The following ANKRD40CL variants were observed in gnomAD, a reference collection of about 807,000 sequenced individuals.
ANKRD40CL encodes the protein ANKRD40 C-terminal like, also known as putative ANKRD40 C-terminal-like protein.
For synonymous variants in ANKRD40CL, 5 were observed against 2.3 expected (o/e 2.14, Z -1.04); for missense variants, 11 against 6.4 (o/e 1.71, Z -0.77).
rs1971201777 is a variant in ANKRD40CL, at chr17:50,761,548, A to G, written c.202-42T>C. On this transcript the variant is annotated intron_variant, in intron 3 of 3. Coordinates refer to ENST00000450727, the MANE Select transcript of ANKRD40CL (RefSeq NM_001358683.3). Reference sequence around the variant, plus strand: ...AATTATATTATGCTTAATAAATTTGAATGTAATAGAAAACCTTAATATTAA... The same window carrying G: ...AATTATATTATGCTTAATAAATTTGGATGTAATAGAAAACCTTAATATTAA... The G allele has an allele frequency of 1.5e-5, 6 of 397,276 alleles. 1 individual carries two copies. In the South Asian group the frequency reaches 7.7e-4, roughly 51 times the overall value. The allele number at this position is 397,276 out of a possible 1,614,324, so 24.6% of individuals were successfully genotyped here.
chr17:50,761,249 T>A lies in ANKRD40CL; in HGVS notation c.*114A>T. ...TTAGTAGAGACTGGGTTTCACTATA[T>A]GTTGGCCAGGCTGGTCTAGAACTCC... On this transcript the variant is annotated 3_prime_UTR_variant, in exon 4 of 4. Coordinates refer to ENST00000450727, the MANE Select transcript of ANKRD40CL (RefSeq NM_001358683.3). 1 of 388,366 alleles carries A rather than the reference T, an allele frequency of 2.6e-6. No individual in the cohort carries two copies. The highest frequency in any genetic ancestry group is 3.7e-5 in the East Asian group (1 of 27,370). The allele number at this position is 388,366 out of a possible 1,614,324, so 24.1% of individuals were successfully genotyped here.
rs147701562 is a variant in ANKRD40CL, at chr17:50,767,017, A to C, written c.-98-6T>G. 78 of 699,722 alleles carry C rather than the reference A, an allele frequency of 1.1e-4. No homozygotes were observed. The East Asian group carries it at 2.1e-3, about 19-fold the overall frequency. The allele number at this position is 699,722 out of a possible 1,614,324, so 43.3% of individuals were successfully genotyped here. A position where few individuals can be genotyped will look rare whatever the true frequency, so the allele number is the denominator to read the frequency against. Reference sequence around the variant, plus strand: ...TACAGCCTCAGCACATCTGTCTGCAAGGTAACAACAGTGTGTTCTTGCCAG... The same window carrying C: ...TACAGCCTCAGCACATCTGTCTGCACGGTAACAACAGTGTGTTCTTGCCAG... On this transcript the variant is annotated splice_polypyrimidine_tract_variant and splice_region_variant and intron_variant, in intron 1 of 3. Transcript: ENST00000450727.
At chr17:50,765,704 C>A (rs983922649) in intron 2 of ANKRD40CL, among the ~76,000 whole-genome samples, 2 of 152,192 alleles carry the variant, frequency 1.3e-5, no homozygotes, top group Non-Finnish European at 2.9e-5. Flanking sequence ...TTGAACGCAC[C>A]AACTAGCTGG....
At chr17:50,764,013 A>C in intron 2 of ANKRD40CL, 1 of 396,056 alleles carries the variant, frequency 2.5e-6, no homozygotes, top group Non-Finnish European at 4.4e-6. Context: ...CCACTCCTCC[A>C]GAAATAGGAT....
intron 2 of ANKRD40CL, 37 bp downstream of exon 2, chr17:50,766,837 T>C (rs1301673409): frequency 3.2e-6 from 2 of 633,834 alleles, no homozygotes; most frequent in Non-Finnish European, 5.7e-6. Context: ...CCCATCCTCC[T>C]TGAGGACCAT....
Position 50,763,510 on chromosome 17 carries a change from T to C in ANKRD40CL, c.88A>G (p.Lys30Glu), listed in dbSNP as rs995540003. 4 of 398,972 alleles carry C rather than the reference T, an allele frequency of 1.0e-5. No homozygotes were observed. The highest frequency in any genetic ancestry group is 1.3e-5 in the Non-Finnish European group (3 of 226,076). The allele number at this position is 398,972 out of a possible 1,614,324, so 24.7% of individuals were successfully genotyped here. A position where few individuals can be genotyped will look rare whatever the true frequency, so the allele number is the denominator to read the frequency against. The change falls in exon 3 of 4, where the codon AAG becomes GAG. Residue 30 changes from lysine to glutamate, a missense_variant. Coordinates refer to ENST00000450727, the MANE Select transcript of ANKRD40CL (RefSeq NM_001358683.3). ...KENDFIEIELKRQELSYQNLL... is the reference protein window; with the variant it reads ...KENDFIEIELERQELSYQNLL... The stretch of plus-strand genomic sequence containing the variant: ...TTTTGGTAACTCAGTTCTTGTCTCT[T>C]CAGTTCAATTTCAATGAAGTCATTT...
At position 50,761,407 on chromosome 17, in the gene ANKRD40CL, C is replaced by T; in HGVS notation, c.301G>A (p.Glu101Lys). The T allele has an allele frequency of 2.5e-6, 1 of 398,944 alleles. No individual in the cohort carries two copies. Among genetic ancestry groups the T allele is most frequent in the Non-Finnish European group, 4.4e-6 (1 of 226,028 alleles). The allele number at this position is 398,944 out of a possible 1,614,324, so 24.7% of individuals were successfully genotyped here. A position where few individuals can be genotyped will look rare whatever the true frequency, so the allele number is the denominator to read the frequency against. ...GCTTTGCTATCATAGCAGGGCCTTT[C>T]TGTCAGAGATGGCACATATTCTGTC... ...RLTEYVPSLT[E>K]RPCYDSKAAK... Residue 101 changes from glutamate (E) to lysine (K), a missense_variant, in exon 4 of 4, where the codon GAA (glutamate) becomes AAA (lysine). Physicochemically the swap from Glu to Lys is moderately conservative, Grantham distance 56. Transcript: ENST00000450727.
At chr17:50,763,851 A>G (rs138554069) in intron 2 of ANKRD40CL, 1 of 371,124 alleles carries the variant, frequency 2.7e-6, no homozygotes, top group African/African-American at 2.1e-5. Context: ...ATATTTAAAC[A>G]CATCACCCTT....
At position 50,763,418 on chromosome 17, in the gene ANKRD40CL, T is replaced by C; in HGVS notation, c.180A>G (p.Leu60=). Residue 60 remains leucine, a synonymous_variant, in exon 3 of 4, where the codon CTA becomes CTG. Transcript: ENST00000450727. ...TTACCTTTCTGAGCAGTGTGTTTGGTAGCTTTCTGATCTTCTCCACTCGTT... is the reference window on the plus strand; with the variant it reads ...TTACCTTTCTGAGCAGTGTGTTTGGCAGCTTTCTGATCTTCTCCACTCGTT... ...KPERVEKIRK[L]PNTLLRKDKD... 2 of 399,086 alleles carry C rather than the reference T, an allele frequency of 5.0e-6. No homozygotes were observed. Among genetic ancestry groups the C allele is most frequent in the Non-Finnish European group, 8.8e-6 (2 of 226,096 alleles). The allele number at this position is 399,086 out of a possible 1,614,324, so 24.7% of individuals were successfully genotyped here. A position where few individuals can be genotyped will look rare whatever the true frequency, so the allele number is the denominator to read the frequency against.
In ANKRD40CL at chr17:50,761,869, C is replaced by T. The variant is rs147717055; in HGVS notation, c.202-363G>A. ...AACTCCTGACTTCAGGTGATCTGCCCACCTGGGCCTCCCAAAATGCTGGGA... is the reference window on the plus strand; with the variant it reads ...AACTCCTGACTTCAGGTGATCTGCCTACCTGGGCCTCCCAAAATGCTGGGA... On this transcript the variant is annotated intron_variant, in intron 3 of 3. Transcript: ENST00000450727. Among the ~76,000 whole-genome samples, 938 of 152,226 alleles carry T rather than the reference C, an allele frequency of 6.2e-3. 17 individuals carry two copies. Among genetic ancestry groups the T allele is most frequent in the African/African-American group, 0.022 (914 of 41,512 alleles).
At chr17:50,762,415 A>G (rs1971216085) in intron 3 of ANKRD40CL, among the ~76,000 whole-genome samples, 6 of 151,878 alleles carry the variant, frequency 4.0e-5, no homozygotes. Context: ...GACCCATTTC[A>G]AAAAAAAGAA....
chr17:50,764,050 C>T (rs1196399216), intron 2 of ANKRD40CL: 8 of 397,464 alleles, frequency 2.0e-5, no homozygotes, highest in Admixed American at 1.3e-4. Flanking sequence ...AGGACAGTGG[C>T]ATTGTATTCC....
intron 3 of ANKRD40CL, among the ~76,000 whole-genome samples, chr17:50,762,552 G>A (rs1327775944): frequency 6.6e-6 from 1 of 151,782 alleles, no homozygotes; most frequent in Non-Finnish European, 1.5e-5. Flanking sequence ...TTCTATTGTG[G>A]GTGACAGAGA....
chr17:50,761,697 C>G (rs1971204796), intron 3 of ANKRD40CL, among the ~76,000 whole-genome samples, 191 bp from the exon 4 acceptor site: 1 of 152,044 alleles, frequency 6.6e-6, no homozygotes, highest in African/African-American at 2.4e-5. Flanking sequence ...CTCCGCCTCC[C>G]AGGTTCAAGT....
Position 50,763,260 on chromosome 17 carries a change from A to T in ANKRD40CL, c.201+137T>A, listed in dbSNP as rs557629892. On this transcript the variant is annotated intron_variant, in intron 3 of 3. Coordinates refer to ENST00000450727, the MANE Select transcript of ANKRD40CL (RefSeq NM_001358683.3). ...CAAATCTTAAAAGCGCCAGATTGAA[A>T]ATGACCTAGCTACCATGTTTGGCCG... 11 of 397,800 alleles carry T rather than the reference A, an allele frequency of 2.8e-5. No individual in the cohort carries two copies. In the South Asian group the frequency reaches 1.6e-3, roughly 56 times the overall value. 24.6% of individuals were successfully genotyped at this position (397,800 alleles called of 1,614,324 possible).
Position 50,763,247 on chromosome 17 carries a change from G to A in ANKRD40CL, c.201+150C>T, listed in dbSNP as rs565429608. The A allele has an allele frequency of 1.2e-4, 46 of 397,182 alleles. 1 individual carries two copies. Among genetic ancestry groups the A allele is most frequent in the Admixed American group, 1.8e-4 (4 of 22,676 alleles). The allele number at this position is 397,182 out of a possible 1,614,324, so 24.6% of individuals were successfully genotyped here. A position where few individuals can be genotyped will look rare whatever the true frequency, so the allele number is the denominator to read the frequency against. ...TGGATTAGATGTGCAAATCTTAAAAGCGCCAGATTGAAAATGACCTAGCTA... is the reference window on the plus strand; with the variant it reads ...TGGATTAGATGTGCAAATCTTAAAAACGCCAGATTGAAAATGACCTAGCTA... On this transcript the variant is annotated intron_variant, in intron 3 of 3. Transcript: ENST00000450727.
chr17:50,767,077 T>G (rs1176952204), intron 1 of ANKRD40CL, 66 bp from the exon 2 acceptor site: 1 of 698,590 alleles, frequency 1.4e-6, no homozygotes, highest in East Asian at 2.7e-5. Context: ...TTTTATTTTA[T>G]AGATAGGGAA....
chr17:50,767,185 C>G (rs1971340759), intron 1 of ANKRD40CL, 174 bp from the exon 2 acceptor site: 1 of 634,880 alleles, frequency 1.6e-6, no homozygotes, highest in Non-Finnish European at 2.9e-6. Context: ...GCTGTCCCCA[C>G]TGGAAGACGG....
rs570031174 is a variant in ANKRD40CL, at chr17:50,761,366, A to G, written c.342T>C (p.Tyr114=). Residue 114 remains tyrosine, a synonymous_variant, in exon 4 of 4, where the codon TAT becomes TAC. Coordinates refer to ENST00000450727, the MANE Select transcript of ANKRD40CL (RefSeq NM_001358683.3). ...CYDSKAAKMT[Y] is the part of the protein sequence containing the mutation. ...GCGCGGCCATTCCTGGGAGTATTTA[A>G]TAAGTCATTTTTGCAGCTTTGCTAT... 5.0e-6 allele frequency: 2 copies of G among 398,548 alleles called. No individual in the cohort carries two copies. The highest frequency in any genetic ancestry group is 2.1e-5 in the African/African-American group (1 of 48,666). The allele number at this position is 398,548 out of a possible 1,614,324, so 24.7% of individuals were successfully genotyped here.
Sources: gnomAD v4.1 joint callset for allele counts (sites outside exome capture counted in the v4.1 genomes callset) on GRCh38, gnomAD v4.1.1 for gene constraint, MANE v1.5 for transcripts, NCBI Gene and HGNC (gene_info 2026-07-23, HGNC 2026-07-21) for gene names.